STX10: variants seen among roughly 807,000 people sequenced by gnomAD.
STX10 encodes the protein syntaxin-10.
A neutral mutation model predicts 34.1 loss-of-function variants in STX10; 35 were observed. The ratio of observed to expected loss-of-function variants is 1.03; its 90% CI spans 0.78 to 1.36. The LOEUF is 1.36. Among genes scored for constraint, STX10 ranks in the 40% most tolerant of loss-of-function variants. The pLI is 0.00. For missense variants in STX10, 361 were observed against 335.5 expected, an observed-to-expected ratio of 1.08 and a Z score of -0.59; for synonymous variants, 155 against 132.9, an observed-to-expected ratio of 1.17 and a Z score of -1.15.
chr19:13,144,512 C>T (rs182093138), intron 7 of STX10, 26 bp from the exon 8 acceptor site: 57 of 1,613,528 alleles, frequency 3.5e-5, no homozygotes, highest in Non-Finnish European at 3.6e-5. Flanking sequence ...TCAGGGGTCA[C>T]GGGGAGAGGG....
At position 13,145,501 on chromosome 19, in the gene STX10, G is replaced by T. The variant is rs936166979; in HGVS notation, c.364-106C>A. 3 of 881,646 alleles carry T rather than the reference G, an allele frequency of 3.4e-6. No homozygotes were observed. In the Admixed American group the frequency reaches 6.9e-5, roughly 20 times the overall value. The allele number at this position is 881,646 out of a possible 1,614,324, so 54.6% of individuals were successfully genotyped here. On this transcript the variant is annotated intron_variant, in intron 4 of 7. Coordinates refer to ENST00000587230, the MANE Select transcript of STX10 (RefSeq NM_003765.3). ...GTCAGGGGGGCAGACTCTGGGGCAG[G>T]ACAGCCTGCATTCCCCACTCACCAC...
Position 13,150,191 on chromosome 19 carries a change from C to A in STX10, c.-18G>T, listed in dbSNP as rs187045567. On this transcript the variant is annotated 5_prime_UTR_variant, in exon 1 of 8. Coordinates refer to ENST00000587230, the MANE Select transcript of STX10 (RefSeq NM_003765.3). The surrounding 1 kb of genome is among the most constrained non-coding windows in gnomAD (Gnocchi z 4.0). ...AGAGACATGTCAGTCCCTTCCCCCC[C>A]AGGCCGAACCCCCCTCCCGGCCTGG... 3.6e-5 allele frequency: 35 copies of A among 985,810 alleles called. No homozygotes were observed. Among genetic ancestry groups the A allele is most frequent in the South Asian group, 9.6e-5 (7 of 73,228 alleles). The allele number at this position is 985,810 out of a possible 1,614,324, so 61.1% of individuals were successfully genotyped here. A position where few individuals can be genotyped will look rare whatever the true frequency, so the allele number is the denominator to read the frequency against.
intron 3 of STX10, 113 bp from the exon 4 acceptor site, chr19:13,149,204 G>A: frequency 1.1e-6 from 1 of 928,400 alleles, no homozygotes; most frequent in Non-Finnish European, 1.7e-6. Flanking sequence ...CTGAGGTCAG[G>A]AGTTCGAGAC....
intron 4 of STX10, among the ~76,000 whole-genome samples, 196 bp downstream of exon 4, chr19:13,148,833 G>A (rs1006760454): frequency 2.0e-5 from 3 of 152,058 alleles, no homozygotes; most frequent in African/African-American, 7.2e-5. Context: ...ACAGTAGAGA[G>A]GAACCCACGG....
chr19:13,147,207 G>T (rs1447503890), intron 4 of STX10, among the ~76,000 whole-genome samples: 1 of 151,938 alleles, frequency 6.6e-6, no homozygotes, highest in East Asian at 1.9e-4. Flanking sequence ...ACCCAAATAG[G>T]TTAGGTGCAT....
At position 13,145,462 on chromosome 19, in the gene STX10, C is replaced by T. The variant is rs1260644766; in HGVS notation, c.364-67G>A. 5.8e-6 allele frequency: 8 copies of T among 1,388,050 alleles called. No individual in the cohort carries two copies. The East Asian group carries it at 1.9e-4, about 33-fold the overall frequency. The allele number at this position is 1,388,050 out of a possible 1,614,324, so 86.0% of individuals were successfully genotyped here. On this transcript the variant is annotated intron_variant, in intron 4 of 7. Transcript: ENST00000587230. ...TCACAGCGGGGCCTGTGGGGCAAAT[C>T]CCCACGGTGGTAAGTCAGGGGGGCA...
At chr19:13,149,158 T>A (rs1371509051) in intron 3 of STX10, 67 bp from the exon 4 acceptor site, 1 of 1,421,970 alleles carries the variant, frequency 7.0e-7, no homozygotes, top group East Asian at 2.5e-5. Flanking sequence ...ACGCCTGTAA[T>A]CCTAGCACTT....
intron 6 of STX10, 32 bp from the exon 7 acceptor site, chr19:13,144,703 T>C (rs2145634222): frequency 6.2e-7 from 1 of 1,613,652 alleles, no homozygotes; most frequent in Non-Finnish European, 8.5e-7. Flanking sequence ...CAGCCCCAGA[T>C]GGCCCAGACA....
intron 4 of STX10, among the ~76,000 whole-genome samples, chr19:13,146,311 G>A (rs2019899372): frequency 6.6e-6 from 1 of 152,186 alleles, no homozygotes; most frequent in Non-Finnish European, 1.5e-5. Context: ...CCAACACATA[G>A]TAATGCTAGT....
Position 13,150,169 on chromosome 19 carries a change from G to T in STX10, c.5C>A (p.Ser2Tyr). 8.9e-7 allele frequency: 1 copy of T among 1,122,670 alleles called. No homozygotes were observed. The highest frequency in any genetic ancestry group is 1.3e-6 in the Non-Finnish European group (1 of 745,552). 69.5% of individuals were successfully genotyped at this position (1,122,670 alleles called of 1,614,324 possible). The change falls in exon 1 of 8, where the codon TCT (serine) becomes TAT (tyrosine). Residue 2 changes from serine (S) to tyrosine (Y), a missense_variant. Ser to Tyr is a moderately radical substitution (Grantham distance 144). Coordinates refer to ENST00000587230, the MANE Select transcript of STX10 (RefSeq NM_003765.3). The surrounding 1 kb of genome is among the most constrained non-coding windows in gnomAD (Gnocchi z 4.0). Reference sequence around the variant, plus strand: ...GACTACAAAAAAGGGGTCTTCGAGAGACATGTCAGTCCCTTCCCCCCCAGG... The same window carrying T: ...GACTACAAAAAAGGGGTCTTCGAGATACATGTCAGTCCCTTCCCCCCCAGG... M[S>Y]LEDPFFVVRG...
At chr19:13,145,481 G>C (rs534407900) in intron 4 of STX10, 86 bp from the exon 5 acceptor site, 17 of 1,123,222 alleles carry the variant, frequency 1.5e-5, no homozygotes, top group African/African-American at 1.4e-4. Context: ...GGTAAGTCAG[G>C]GGGGCAGACT....
Position 13,144,225 on chromosome 19 carries a change from C to A in STX10, c.*185G>T, listed in dbSNP as rs1311424214. The A allele has an allele frequency of 1.3e-6, 1 of 767,676 alleles. No individual in the cohort carries two copies. The highest frequency in any genetic ancestry group is 2.0e-6 in the Non-Finnish European group (1 of 490,168). The allele number at this position is 767,676 out of a possible 1,614,324, so 47.6% of individuals were successfully genotyped here. A position where few individuals can be genotyped will look rare whatever the true frequency, so the allele number is the denominator to read the frequency against. The stretch of plus-strand genomic sequence containing the variant: ...TGAGACAGGACCAGTGGTGGTGGTT[C>A]CAGCCCAGGGTCCTGAAGGGTCCCA... On this transcript the variant is annotated 3_prime_UTR_variant, in exon 8 of 8. Transcript: ENST00000587230.
intron 5 of STX10, 102 bp downstream of exon 5, chr19:13,145,186 G>A (rs974628450): frequency 9.6e-6 from 11 of 1,150,072 alleles, no homozygotes; most frequent in African/African-American, 9.2e-5. Flanking sequence ...GCGACAAAGC[G>A]AAACTCCATA....
intron 1 of STX10, 34 bp from the exon 2 acceptor site, chr19:13,149,931 G>C: frequency 1.3e-6 from 2 of 1,531,986 alleles, no homozygotes; most frequent in Non-Finnish European, 1.8e-6. Context: ...GCGGCTGGGG[G>C]CAGGCGGTCC....
intron 4 of STX10, among the ~76,000 whole-genome samples, chr19:13,145,662 G>A (rs1458510368): frequency 6.6e-6 from 1 of 152,088 alleles, no homozygotes; most frequent in Non-Finnish European, 1.5e-5. Context: ...GGTGGAGGTG[G>A]GCAGATAACT....
rs145143475 is a variant in STX10 at position 13,145,330 on chromosome 19, C to T, written c.429G>A (p.Ser143=). 255 of 1,611,864 alleles carry T rather than the reference C, an allele frequency of 1.6e-4. No individual in the cohort carries two copies. The African/African-American group carries it at 3.2e-3, about 20-fold the overall frequency. The change falls in exon 5 of 8, where the codon TCG becomes TCA. Residue 143 remains serine, a synonymous_variant. Coordinates refer to ENST00000587230, the MANE Select transcript of STX10 (RefSeq NM_003765.3). ...GCTCCTCGATGTAGCGAGATGTGGCCGAGACTGCGCTGGCATCCAGCAGGT... is the reference window on the plus strand; with the variant it reads ...GCTCCTCGATGTAGCGAGATGTGGCTGAGACTGCGCTGGCATCCAGCAGGT... ...PSDLLDASAV[S]ATSRYIEEQQ...
chr19:13,149,193 C>A (rs2019985236), intron 3 of STX10, 102 bp from the exon 4 acceptor site: 1 of 1,054,332 alleles, frequency 9.5e-7, no homozygotes, highest in Non-Finnish European at 1.4e-6. Context: ...GGGTGGATCA[C>A]CTGAGGTCAG....
intron 4 of STX10, 45 bp downstream of exon 4, chr19:13,148,984 T>C (rs2019976917): frequency 1.3e-6 from 2 of 1,549,512 alleles, no homozygotes; most frequent in South Asian, 2.3e-5. Context: ...CTGGCTTGGT[T>C]ACCCCCAGGG....
At position 13,145,479 on chromosome 19, in the gene STX10, A is replaced by AG. The variant is rs1491227972; in HGVS notation, c.364-85dup. 6.7e-5 allele frequency: 77 copies of AG among 1,150,984 alleles called. No individual in the cohort carries two copies. The African/African-American group carries it at 9.7e-4, about 14-fold the overall frequency. The allele number at this position is 1,150,984 out of a possible 1,614,324, so 71.3% of individuals were successfully genotyped here. On this transcript the variant is annotated intron_variant, in intron 4 of 7. Transcript: ENST00000587230. ...GGGCAAATCCCCACGGTGGTAAGTC[A>AG]GGGGGGCAGACTCTGGGGCAGGACA...
Sources: allele counts gnomAD v4.1 joint callset (sites outside exome capture counted in the v4.1 genomes callset), GRCh38; gene constraint gnomAD v4.1.1; non-coding constraint Gnocchi (gnomAD v3.1); transcripts MANE v1.5; gene names NCBI Gene and HGNC (gene_info 2026-07-23, HGNC 2026-07-21).